The following PPP2R5A variants were observed in gnomAD, a reference collection of about 807,000 sequenced individuals.
PPP2R5A encodes the protein protein phosphatase 2 regulatory subunit B'alpha.
A neutral mutation model predicts 64.2 loss-of-function variants in PPP2R5A; 25 were observed. The ratio of observed to expected loss-of-function variants is 0.39; its 90% CI spans 0.28 to 0.54. The LOEUF (loss-of-function observed/expected upper bound fraction) is 0.54, where lower values mean the gene tolerates loss of function less well. Among genes scored for constraint, PPP2R5A ranks in the 20% least tolerant of loss-of-function variants. The pLI, the probability that PPP2R5A is intolerant of heterozygous loss-of-function variation, is 0.67. For missense variants in PPP2R5A, 425 were observed against 576.3 expected, an observed-to-expected ratio of 0.74 and a Z score of 2.69; for synonymous variants, 198 against 201.2, an observed-to-expected ratio of 0.98 and a Z score of 0.13.
intron 1 of PPP2R5A, among the ~76,000 whole-genome samples, chr1:212,300,735 A>G (rs942372777): frequency 9.2e-5 from 14 of 152,318 alleles, no homozygotes; most frequent in African/African-American, 2.9e-4. Context: ...GAAATACTGA[A>G]TCAACTCATT....
At chr1:212,357,807 A>AAAG in intron 11 of PPP2R5A, 1 of 151,272 alleles carries the variant, frequency 6.6e-6, no homozygotes, top group African/African-American at 2.4e-5. Flanking sequence ...CGTCTCCAAA[A>AAAG]AAAAAAAAAA....
At chr1:212,330,956 T>G (rs1659493149) in intron 2 of PPP2R5A, among the ~76,000 whole-genome samples, 1 of 151,488 alleles carries the variant, frequency 6.6e-6, no homozygotes, top group Non-Finnish European at 1.5e-5. Context: ...TCACCTGAGG[T>G]CAGGAGTTTG....
chr1:212,337,965 C>T (rs535545345), intron 3 of PPP2R5A, among the ~76,000 whole-genome samples: 3 of 152,256 alleles, frequency 2.0e-5, no homozygotes, highest in Non-Finnish European at 2.9e-5. Flanking sequence ...ACCTTATTTA[C>T]GTTTCCTCTT....
At chr1:212,303,020 A>G (rs1658827161) in intron 1 of PPP2R5A, among the ~76,000 whole-genome samples, 1 of 152,000 alleles carries the variant, frequency 6.6e-6, no homozygotes, top group African/African-American at 2.4e-5. Flanking sequence ...AGTTCTTTCT[A>G]CTGTTTGGTT....
At chr1:212,324,051 G>A (rs1158315358) in intron 1 of PPP2R5A, among the ~76,000 whole-genome samples, 6 of 149,808 alleles carry the variant, frequency 4.0e-5, no homozygotes, top group South Asian at 2.1e-4. Flanking sequence ...CAGCCTGGGC[G>A]ACAGAACAAG....
At chr1:212,333,463 C>A (rs758323969) in intron 2 of PPP2R5A, 34 bp from the exon 3 acceptor site, 5 of 1,362,138 alleles carry the variant, frequency 3.7e-6, no homozygotes, top group East Asian at 4.9e-5. Flanking sequence ...ATTACACATA[C>A]AACAACGAAC....
chr1:212,349,294 TTG>T, intron 8 of PPP2R5A, 52 bp downstream of exon 8: 1 of 1,395,642 alleles, frequency 7.2e-7, no homozygotes. Flanking sequence ...TAGCATTTCA[TTG>T]TAGCTTTCGT....
At position 212,291,521 on chromosome 1, in the gene PPP2R5A, C is replaced by T. The variant is rs541331487; in HGVS notation, c.181+5230C>T. Among the ~76,000 whole-genome samples, 20 of 152,276 alleles carry T rather than the reference C, an allele frequency of 1.3e-4. No individual in the cohort carries two copies. The East Asian group carries it at 2.9e-3, about 22-fold the overall frequency. ...AAAAGCTCCCAGGGTGATTCTAACG[C>T]GCAGCCAGGATTGAGAATCACCGGG... On this transcript the variant is annotated intron_variant, in intron 1 of 12. Transcript: ENST00000261461.
intron 3 of PPP2R5A, among the ~76,000 whole-genome samples, chr1:212,335,943 ATATATT>A (rs1279599804): frequency 1.3e-5 from 2 of 152,166 alleles, no homozygotes; most frequent in African/African-American, 4.8e-5. Flanking sequence ...TTTCATTAGA[ATATATT>A]TATATGCTCA....
chr1:212,354,738 G>C (rs1161967672), intron 8 of PPP2R5A, among the ~76,000 whole-genome samples: 1 of 151,518 alleles, frequency 6.6e-6, no homozygotes, highest in Non-Finnish European at 1.5e-5. Flanking sequence ...GAGAGAGAGA[G>C]AGAGAGAGAA....
chr1:212,303,011 G>A (rs907838481), intron 1 of PPP2R5A, among the ~76,000 whole-genome samples: 1 of 152,114 alleles, frequency 6.6e-6, no homozygotes, highest in Non-Finnish European at 1.5e-5. Flanking sequence ...GGACATTTCA[G>A]TTCTTTCTAC....
chr1:212,286,327 A>C (rs562793381), intron 1 of PPP2R5A, 36 bp downstream of exon 1: 3 of 1,443,590 alleles, frequency 2.1e-6, no homozygotes, highest in African/African-American at 3.0e-5. Context: ...CAGCGAGCGC[A>C]GGGGCTGGCA....
intron 1 of PPP2R5A, among the ~76,000 whole-genome samples, chr1:212,324,742 C>T (rs1433628017): frequency 6.6e-6 from 1 of 151,920 alleles, no homozygotes; most frequent in East Asian, 1.9e-4. Flanking sequence ...GTAGCTGGGA[C>T]TACAGGTGCC....
At chr1:212,333,251 A>G (rs1160549223) in intron 2 of PPP2R5A, among the ~76,000 whole-genome samples, 1 of 152,220 alleles carries the variant, frequency 6.6e-6, no homozygotes, top group Non-Finnish European at 1.5e-5. Context: ...TATAATTTAA[A>G]GAAGATGAAT....
chr1:212,361,771 C>G lies in PPP2R5A; in HGVS notation c.*1001C>G, dbSNP rs1660087554. ...TCAGAGTACCATTCCAATCTCTTAA[C>G]TTGCAGTTGTGTGGAAAACTGTTTT... is the stretch of plus-strand genomic sequence containing the variant. On this transcript the variant is annotated 3_prime_UTR_variant, in exon 13 of 13. Transcript: ENST00000261461. The G allele has an allele frequency of 6.6e-6, 1 of 152,660 alleles. No homozygotes were observed. Among genetic ancestry groups the G allele is most frequent in the African/African-American group, 2.4e-5 (1 of 41,466 alleles). 9.5% of individuals were successfully genotyped at this position (152,660 alleles called of 1,614,324 possible). A position where few individuals can be genotyped will look rare whatever the true frequency, so the allele number is the denominator to read the frequency against.
intron 9 of PPP2R5A, 123 bp downstream of exon 9, chr1:212,356,799 T>TG: frequency 7.6e-7 from 1 of 1,309,106 alleles, no homozygotes; most frequent in South Asian, 1.5e-5. Context: ...TACACAGACT[T>TG]GGTAGAAGAC....
At chr1:212,322,453 C>G (rs1252692986) in intron 1 of PPP2R5A, among the ~76,000 whole-genome samples, 2 of 152,152 alleles carry the variant, frequency 1.3e-5, no homozygotes, top group Non-Finnish European at 2.9e-5. Flanking sequence ...ATTACATCTA[C>G]AAATGCAAAA....
At chr1:212,321,158 A>C (rs1659278995) in intron 1 of PPP2R5A, among the ~76,000 whole-genome samples, 1 of 129,154 alleles carries the variant, frequency 7.7e-6, no homozygotes. Context: ...GGCGCCCCTC[A>C]CCTCCTGGAT....
chr1:212,331,241 G>A (rs1659499541), intron 2 of PPP2R5A, among the ~76,000 whole-genome samples: 1 of 150,740 alleles, frequency 6.6e-6, no homozygotes, highest in Non-Finnish European at 1.5e-5. Flanking sequence ...GCTCACCACA[G>A]CCTTGACCTC....
Sources: gnomAD v4.1 joint callset for allele counts (sites outside exome capture counted in the v4.1 genomes callset) on GRCh38, gnomAD v4.1.1 for gene constraint, MANE v1.5 for transcripts, NCBI Gene and HGNC (gene_info 2026-07-23, HGNC 2026-07-21) for gene names.